GPR39: variants seen among roughly 807,000 people sequenced by gnomAD.
The protein encoded by GPR39 is zinc sensing receptor.
In GPR39, 23 loss-of-function variants were observed where a neutral mutation model predicts 18.4. The observed-to-expected ratio is 1.25, with a 90% CI of 0.90 to 1.77. The LOEUF is 1.77. Among genes scored for constraint, GPR39 ranks in the 40% most tolerant of loss-of-function variants. The pLI, the probability that GPR39 is intolerant of heterozygous loss-of-function variation, is 0.00. For missense variants in GPR39, 647 were observed against 602.4 expected, an observed-to-expected ratio of 1.07 and a Z score of -0.78; for synonymous variants, 280 against 257.9, an observed-to-expected ratio of 1.09 and a Z score of -0.82.
intron 1 of GPR39, among the ~76,000 whole-genome samples, chr2:132,457,859 C>G (rs1405481210): frequency 6.6e-6 from 1 of 152,264 alleles, no homozygotes; most frequent in Non-Finnish European, 1.5e-5. Flanking sequence ...CTCCCCTAGC[C>G]AGGCTGCCAC....
At chr2:132,554,797 C>T (rs1680117441) in intron 1 of GPR39, among the ~76,000 whole-genome samples, 1 of 152,216 alleles carries the variant, frequency 6.6e-6, no homozygotes, top group Non-Finnish European at 1.5e-5. Flanking sequence ...TGCGCTATCT[C>T]TTAAATCAAC....
chr2:132,552,825 T>TATAC (rs1362635887), intron 1 of GPR39, among the ~76,000 whole-genome samples: 1 of 102,748 alleles, frequency 9.7e-6, no homozygotes, highest in East Asian at 8.9e-4. Context: ...TGTGTATGTA[T>TATAC]ATATATACAT....
rs34104835 is a variant in GPR39, at chr2:132,598,431, C to CTTTTT, written c.857-46653_857-46649dup. ...TCTGATTTGGCTGGTCTAAGGTGAACTTTTTTTTTTTTTTTTTTTTTAAGC... is the reference window on the plus strand; with the variant it reads ...TCTGATTTGGCTGGTCTAAGGTGAACTTTTTTTTTTTTTTTTTTTTTTTTTTAAGC... On this transcript the variant is annotated intron_variant, in intron 1 of 1. Transcript: ENST00000329321. 3.8e-3 allele frequency among the ~76,000 whole-genome samples: 341 copies of CTTTTT among 90,442 alleles called. 4 individuals carry two copies. Among genetic ancestry groups the CTTTTT allele is most frequent in the African/African-American group, 0.014 (310 of 22,238 alleles). The allele number at this position is 90,442 out of a possible 152,430, so 59.3% of individuals were successfully genotyped here.
chr2:132,558,970 G>C (rs1489757838), intron 1 of GPR39, among the ~76,000 whole-genome samples: 1 of 152,004 alleles, frequency 6.6e-6, no homozygotes, highest in East Asian at 1.9e-4. Context: ...AGCCCCAAAA[G>C]AAATAGAAAA....
chr2:132,619,413 C>T (rs953747854), intron 1 of GPR39, among the ~76,000 whole-genome samples: 2 of 152,122 alleles, frequency 1.3e-5, no homozygotes, highest in African/African-American at 4.8e-5. Flanking sequence ...CAGAACTGAC[C>T]TCCACCCCTT....
chr2:132,581,483 C>T (rs908322188), intron 1 of GPR39, among the ~76,000 whole-genome samples: 1 of 152,062 alleles, frequency 6.6e-6, no homozygotes, highest in African/African-American at 2.4e-5. Context: ...TTCCCTTTGG[C>T]TGGTGCCCTT....
At chr2:132,579,447 G>T (rs551604588) in intron 1 of GPR39, among the ~76,000 whole-genome samples, 1 of 152,176 alleles carries the variant, frequency 6.6e-6, no homozygotes, top group African/African-American at 2.4e-5. Flanking sequence ...TGTGTGGAGT[G>T]TTTTATAAAT....
chr2:132,572,634 C>A (rs189046867), intron 1 of GPR39, among the ~76,000 whole-genome samples: 1 of 152,066 alleles, frequency 6.6e-6, no homozygotes, highest in African/African-American at 2.4e-5. Context: ...TCACATATGG[C>A]TGAATCCAGG....
At chr2:132,608,874 T>C (rs1681188801) in intron 1 of GPR39, among the ~76,000 whole-genome samples, 1 of 152,164 alleles carries the variant, frequency 6.6e-6, no homozygotes, top group Non-Finnish European at 1.5e-5. Context: ...GGTCGCTCAT[T>C]ACTGAGGGCC....
chr2:132,511,888 C>T (rs1679247193), intron 1 of GPR39, among the ~76,000 whole-genome samples: 1 of 152,228 alleles, frequency 6.6e-6, no homozygotes, highest in Non-Finnish European at 1.5e-5. Context: ...TCCAGGCAGA[C>T]TCTATACATT....
intron 1 of GPR39, among the ~76,000 whole-genome samples, chr2:132,470,126 C>T (rs140989649): frequency 2.6e-5 from 4 of 152,152 alleles, no homozygotes; most frequent in African/African-American, 7.2e-5. Flanking sequence ...GATATGGCCA[C>T]CTCTAGTCTA....
chr2:132,488,212 C>G (rs1350062374), intron 1 of GPR39, among the ~76,000 whole-genome samples: 1 of 152,098 alleles, frequency 6.6e-6, no homozygotes, highest in Admixed American at 6.5e-5. Flanking sequence ...AAGTTGTAAA[C>G]TTTTTCTCCA....
At chr2:132,423,555 C>T (rs1278212070) in intron 1 of GPR39, among the ~76,000 whole-genome samples, 1 of 152,120 alleles carries the variant, frequency 6.6e-6, no homozygotes, top group African/African-American at 2.4e-5. Context: ...CCCCATGCTG[C>T]CTGTGTATGG....
chr2:132,645,866 ATT>A lies in GPR39; in HGVS notation c.*262_*263del. ...CATACTGAAAATTCAGTCAGGCTGA[ATT>A]TATTCAGAATGCTTTACCGAGCTCT... On this transcript the variant is annotated 3_prime_UTR_variant, in exon 2 of 2. Transcript: ENST00000329321. The A allele has an allele frequency of 4.5e-6, 3 of 659,398 alleles. No homozygotes were observed. The highest frequency in any genetic ancestry group is 7.6e-6 in the Non-Finnish European group (3 of 395,878). 40.8% of individuals were successfully genotyped at this position (659,398 alleles called of 1,614,324 possible).
At chr2:132,421,700 G>A (rs1052657396) in intron 1 of GPR39, among the ~76,000 whole-genome samples, 1 of 152,130 alleles carries the variant, frequency 6.6e-6, no homozygotes, top group African/African-American at 2.4e-5. Flanking sequence ...TAAAAATAAG[G>A]TTGATATACA....
At chr2:132,576,732 A>G (rs1680534423) in intron 1 of GPR39, among the ~76,000 whole-genome samples, 1 of 152,166 alleles carries the variant, frequency 6.6e-6, no homozygotes, top group African/African-American at 2.4e-5. Flanking sequence ...AAAATTTTAC[A>G]GAAATTTAGT....
In GPR39 at chr2:132,566,213, C is replaced by T. The variant is rs1423835610; in HGVS notation, c.857-78888C>T. Among the ~76,000 whole-genome samples, 11 of 147,866 alleles carry T rather than the reference C, an allele frequency of 7.4e-5. No individual in the cohort carries two copies. In the South Asian group the frequency reaches 2.5e-3, roughly 33 times the overall value. On this transcript the variant is annotated intron_variant, in intron 1 of 1. Transcript: ENST00000329321. ...ATAAATGTCTTCTTTTGAGAAGTGTCTGTTCATGTCCTTCACCCACTTTTT... is the reference window on the plus strand; with the variant it reads ...ATAAATGTCTTCTTTTGAGAAGTGTTTGTTCATGTCCTTCACCCACTTTTT...
At chr2:132,535,110 A>T (rs547719005) in intron 1 of GPR39, among the ~76,000 whole-genome samples, 1 of 152,076 alleles carries the variant, frequency 6.6e-6, no homozygotes, top group Non-Finnish European at 1.5e-5. Context: ...TTCCAGTACT[A>T]TGTTGAGTAG....
chr2:132,506,454 CT>C (rs1397488367), intron 1 of GPR39, among the ~76,000 whole-genome samples: 1 of 151,988 alleles, frequency 6.6e-6, no homozygotes, highest in Non-Finnish European at 1.5e-5. Flanking sequence ...ATCTTGAGGT[CT>C]TAGCCATTGT....
Sources: gnomAD v4.1 joint callset for allele counts (sites outside exome capture counted in the v4.1 genomes callset) on GRCh38, gnomAD v4.1.1 for gene constraint, MANE v1.5 for transcripts, NCBI Gene and HGNC (gene_info 2026-07-23, HGNC 2026-07-21) for gene names.